The following LRRC37A2 variants were observed in gnomAD, a reference collection of about 807,000 sequenced individuals.
The protein encoded by LRRC37A2 is leucine-rich repeat-containing protein 37A2.
Under a neutral mutation model 68.8 loss-of-function variants are expected in LRRC37A2, and 9 were observed. That is an observed-to-expected ratio of 0.13 (90% CI 0.08 to 0.23). The LOEUF is 0.23. LRRC37A2 is among the 10% of genes least tolerant of loss of function. The pLI, the probability that LRRC37A2 is intolerant of heterozygous loss-of-function variation, is 1.00. For synonymous variants in LRRC37A2, 63 were observed against 367.6 expected (o/e 0.17, Z 9.48); for missense variants, 168 against 950.4 (o/e 0.18, Z 10.82).
chr17:46,795,416 C>T, the LRRC37A2 span, among the ~76,000 whole-genome samples: 1 of 152,134 alleles, frequency 6.6e-6, no homozygotes, highest in Non-Finnish European at 1.5e-5. Flanking sequence ...GAGGAGCTGG[C>T]CTCTGGGGTC....
the LRRC37A2 span, among the ~76,000 whole-genome samples, chr17:46,389,238 C>A: frequency 6.6e-6 from 1 of 151,472 alleles, no homozygotes; most frequent in Admixed American, 6.6e-5. Flanking sequence ...AACAAACTTA[C>A]TGAAACAACA....
At chr17:46,716,515 C>T in the LRRC37A2 span, among the ~76,000 whole-genome samples, 1 of 152,154 alleles carries the variant, frequency 6.6e-6, no homozygotes, top group African/African-American at 2.4e-5. Flanking sequence ...CCTCAGCCTC[C>T]CGAAGTGCTG....
At chr17:46,836,644 A>C in the LRRC37A2 span, among the ~76,000 whole-genome samples, 1 of 152,200 alleles carries the variant, frequency 6.6e-6, no homozygotes, top group East Asian at 1.9e-4. Context: ...AATATGCCGC[A>C]TGTTGGGAAA....
At chr17:47,047,932 AAAATG>A in the LRRC37A2 span, among the ~76,000 whole-genome samples, 2 of 151,322 alleles carry the variant, frequency 1.3e-5, no homozygotes, top group African/African-American at 2.4e-5. Flanking sequence ...CATGACTTCT[AAAATG>A]TGACTACTTT....
the LRRC37A2 span, among the ~76,000 whole-genome samples, chr17:46,943,178 C>G: frequency 6.6e-6 from 1 of 152,100 alleles, no homozygotes; most frequent in African/African-American, 2.4e-5. Flanking sequence ...CTGGCCGCAC[C>G]GTGGGAACCA....
At chr17:46,490,027 TACTTA>T in the LRRC37A2 span, among the ~76,000 whole-genome samples, 10 of 150,868 alleles carry the variant, frequency 6.6e-5, no homozygotes, top group South Asian at 4.1e-4. Flanking sequence ...CCTTGCTTCT[TACTTA>T]ACTTGAGTTT....
At chr17:47,022,052 C>T in the LRRC37A2 span, 60 of 777,460 alleles carry the variant, frequency 7.7e-5, 1 homozygote, top group South Asian at 9.6e-4. Context: ...CCACTGTTGA[C>T]TGCAATCGTA....
the LRRC37A2 span, chr17:46,941,331 CT>C: frequency 1.7e-5 from 17 of 985,086 alleles, no homozygotes; most frequent in East Asian, 1.8e-3. Flanking sequence ...AGCACATCAG[CT>C]GAATAAAGTT....
chr17:46,914,559 G>A, the LRRC37A2 span, among the ~76,000 whole-genome samples: 2 of 135,246 alleles, frequency 1.5e-5, no homozygotes, highest in Non-Finnish European at 3.1e-5. Context: ...GCTGAGGCAG[G>A]AAAATCTCTT....
chr17:46,851,647 CCCGCCCGCGCTGGCCCTGGCCGGG>C, the LRRC37A2 span: 3 of 1,281,348 alleles, frequency 2.3e-6, no homozygotes, highest in Non-Finnish European at 2.9e-6. The surrounding 1 kb of genome is among the most constrained non-coding windows in gnomAD (Gnocchi z 4.3). Flanking sequence ...CCATGCGCCC[CCCGCCCGCGCTGGCCCTGGCCGGG>C]CTCTGCCTGC....
At chr17:46,900,190 TATATATATATATACACACACACACACAC>T in the LRRC37A2 span, among the ~76,000 whole-genome samples, 2 of 99,404 alleles carry the variant, frequency 2.0e-5, no homozygotes, top group African/African-American at 9.9e-5. Flanking sequence ...TATATATATA[TATATATATATATACACACACACACACAC>T]ACATATATAT....
chr17:46,920,899 G>A, the LRRC37A2 span, among the ~76,000 whole-genome samples: 2 of 152,142 alleles, frequency 1.3e-5, no homozygotes, highest in Non-Finnish European at 2.9e-5. Flanking sequence ...TCAGAAGAGA[G>A]GGAAAATAGC....
the LRRC37A2 span, among the ~76,000 whole-genome samples, chr17:46,828,795 C>CA: frequency 0.013 from 1,468 of 110,416 alleles, 9 homozygotes; most frequent in Middle Eastern, 0.018. Context: ...CCTATCTCTA[C>CA]AAAAAAAAAA....
chr17:46,534,968 C>G (rs1218965888), intron 6 of LRRC37A2, among the ~76,000 whole-genome samples: 1 of 148,978 alleles, frequency 6.7e-6, no homozygotes, highest in Non-Finnish European at 1.5e-5. Context: ...ACTTCTCAGA[C>G]GGGGCGGCCA....
At chr17:46,931,093 G>A in the LRRC37A2 span, 1 of 1,408,208 alleles carries the variant, frequency 7.1e-7, no homozygotes, top group Non-Finnish European at 1.0e-6. Context: ...TTTCTTTTTT[G>A]TACAGTAGTA....
the LRRC37A2 span, among the ~76,000 whole-genome samples, chr17:46,942,272 G>A: frequency 1.3e-5 from 2 of 152,326 alleles, no homozygotes; most frequent in South Asian, 4.1e-4. Context: ...GGAAAGCCTA[G>A]GCCCTTCATA....
the LRRC37A2 span, among the ~76,000 whole-genome samples, chr17:46,792,750 G>A: frequency 6.6e-6 from 1 of 152,184 alleles, no homozygotes; most frequent in Non-Finnish European, 1.5e-5. Flanking sequence ...GGGACTACAG[G>A]TGTGAGCCAT....
chr17:46,743,621 C>G, the LRRC37A2 span, among the ~76,000 whole-genome samples: 2 of 152,186 alleles, frequency 1.3e-5, no homozygotes, highest in Non-Finnish European at 2.9e-5. Context: ...CAGCCCTGGG[C>G]TTGCCTTAAA....
chr17:46,755,749 AGTTTTTT>A, the LRRC37A2 span: 29 of 1,409,058 alleles, frequency 2.1e-5, no homozygotes, highest in Non-Finnish European at 2.7e-5. Context: ...TTTGATGAAT[AGTTTTTT>A]ACGGACCCTC....
Sources: allele counts gnomAD v4.1 joint callset (sites outside exome capture counted in the v4.1 genomes callset), GRCh38; gene constraint gnomAD v4.1.1; non-coding constraint Gnocchi (gnomAD v3.1); transcripts MANE v1.5; gene names NCBI Gene and HGNC (gene_info 2026-07-23, HGNC 2026-07-21).